Variants in FTCDNL1 observed in about 807,000 individuals in gnomAD.
FTCDNL1 encodes formiminotransferase cyclodeaminase N-terminal like.
In FTCDNL1, 11 loss-of-function variants were observed where a neutral mutation model predicts 5.9. The observed-to-expected ratio is 1.87, with a 90% CI of 1.18 to 3.10. The LOEUF (loss-of-function observed/expected upper bound fraction) is 3.10, where lower values mean the gene tolerates loss of function less well. FTCDNL1 is among the 30% of genes most tolerant of loss of function. The probability of loss-of-function intolerance (pLI) is 0.00; values close to 1 mark genes in which losing one functional copy is unlikely to be tolerated. For synonymous variants in FTCDNL1, 58 were observed against 24.8 expected, an observed-to-expected ratio of 2.34 and a Z score of -3.99; for missense variants, 115 against 65.5, an observed-to-expected ratio of 1.76 and a Z score of -2.61.
chr2:199,711,885 C>T, the FTCDNL1 span, among the ~76,000 whole-genome samples: 1 of 152,090 alleles, frequency 6.6e-6, no homozygotes, highest in Non-Finnish European at 1.5e-5. Flanking sequence ...TTTAGTCAAT[C>T]CTCAGCCAGC....
At chr2:199,837,295 T>C (rs926741896) in intron 3 of FTCDNL1, among the ~76,000 whole-genome samples, 9 of 152,242 alleles carry the variant, frequency 5.9e-5, no homozygotes, top group Non-Finnish European at 1.3e-4. Context: ...GATTTTTCTA[T>C]GGTGGCAGTA....
chr2:199,805,088 A>G (rs1326974690), downstream of FTCDNL1, among the ~76,000 whole-genome samples: 3 of 152,062 alleles, frequency 2.0e-5, no homozygotes, highest in African/African-American at 7.2e-5. Context: ...GGGGGTGGGG[A>G]GAAAGAACAG....
At chr2:199,840,750 A>C (rs750127214) in intron 3 of FTCDNL1, among the ~76,000 whole-genome samples, 6 of 152,120 alleles carry the variant, frequency 3.9e-5, no homozygotes, top group Non-Finnish European at 7.4e-5. Flanking sequence ...AAACCCCCCT[A>C]CAGTATGTGA....
At chr2:199,774,086 C>A (rs972494751) in intron 3 of FTCDNL1, among the ~76,000 whole-genome samples, 2 of 152,208 alleles carry the variant, frequency 1.3e-5, no homozygotes, top group African/African-American at 4.8e-5. Context: ...ATGTACTCAT[C>A]CTTGGGGCCT....
chr2:199,819,244 C>T, intron 4 of FTCDNL1: 1 of 305,406 alleles, frequency 3.3e-6, no homozygotes, highest in Non-Finnish European at 6.2e-6. Flanking sequence ...ACACCCCACA[C>T]CATTCACAGA....
chr2:199,726,919 T>TC, the FTCDNL1 span, among the ~76,000 whole-genome samples: 1 of 152,186 alleles, frequency 6.6e-6, no homozygotes, highest in Non-Finnish European at 1.5e-5. Context: ...AATGAAGCAT[T>TC]CTGGCTGCCC....
chr2:199,725,510 G>A, the FTCDNL1 span, among the ~76,000 whole-genome samples: 1 of 152,164 alleles, frequency 6.6e-6, no homozygotes, highest in Non-Finnish European at 1.5e-5. Context: ...GTGTGTTTTT[G>A]TAGAGGCTGG....
the FTCDNL1 span, among the ~76,000 whole-genome samples, chr2:199,741,759 G>C: frequency 6.6e-6 from 1 of 152,128 alleles, no homozygotes; most frequent in Non-Finnish European, 1.5e-5. Flanking sequence ...TTTTAAGAAA[G>C]CTTCATTTTA....
intron 3 of FTCDNL1, among the ~76,000 whole-genome samples, chr2:199,761,741 G>A (rs185300132): frequency 1.3e-5 from 2 of 152,228 alleles, no homozygotes; most frequent in East Asian, 3.9e-4. Context: ...CTGTCTTCCT[G>A]GGTCCTGTCT....
At chr2:199,825,526 G>C (rs369109919) in intron 3 of FTCDNL1, among the ~76,000 whole-genome samples, 1 of 152,314 alleles carries the variant, frequency 6.6e-6, no homozygotes, top group Admixed American at 6.5e-5. Context: ...AATGGGAGGA[G>C]TTTAAGTCAT....
At chr2:199,687,947 A>T in the FTCDNL1 span, among the ~76,000 whole-genome samples, 1 of 152,232 alleles carries the variant, frequency 6.6e-6, no homozygotes, top group African/African-American at 2.4e-5. Context: ...ACCACGATTT[A>T]AAGTGAGCAT....
At chr2:199,828,044 T>C (rs1287171539) in intron 3 of FTCDNL1, among the ~76,000 whole-genome samples, 1 of 152,116 alleles carries the variant, frequency 6.6e-6, no homozygotes, top group African/African-American at 2.4e-5. Flanking sequence ...GACAGTACAA[T>C]ACCCTCTTCA....
the FTCDNL1 span, among the ~76,000 whole-genome samples, chr2:199,728,140 T>C: frequency 6.6e-6 from 1 of 152,368 alleles, no homozygotes; most frequent in East Asian, 1.9e-4. Flanking sequence ...AAGATTCTAA[T>C]ACTGCCTTCC....
chr2:199,752,762 GTGTGTGTGTGTGTGTGTGTA>G, the FTCDNL1 span, among the ~76,000 whole-genome samples: 25 of 148,542 alleles, frequency 1.7e-4, no homozygotes, highest in East Asian at 6.1e-4. Context: ...GTGTGTGTGT[GTGTGTGTGTGTGTGTGTGTA>G]TGTGTGTGTG....
intron 3 of FTCDNL1, among the ~76,000 whole-genome samples, chr2:199,793,587 A>T (rs773394488): frequency 5.3e-5 from 8 of 152,242 alleles, no homozygotes; most frequent in Non-Finnish European, 8.8e-5. Context: ...TTTGATCAAG[A>T]CAATGAAAAA....
chr2:199,717,407 C>T, the FTCDNL1 span, among the ~76,000 whole-genome samples: 37 of 151,780 alleles, frequency 2.4e-4, no homozygotes, highest in Non-Finnish European at 4.3e-4. Context: ...CAAAACTTCC[C>T]TCCTTATGTT....
At chr2:199,685,838 C>A in the FTCDNL1 span, among the ~76,000 whole-genome samples, 1 of 152,040 alleles carries the variant, frequency 6.6e-6, no homozygotes, top group East Asian at 1.9e-4. Context: ...GAAAGGAGAT[C>A]TACTACATGA....
the FTCDNL1 span, among the ~76,000 whole-genome samples, chr2:199,686,909 T>A: frequency 1.3e-5 from 2 of 152,216 alleles, no homozygotes; most frequent in East Asian, 3.8e-4. Context: ...TGGCAAAAGT[T>A]TGGTAATTAG....
chr2:199,762,718 G>T (rs12619654), intron 3 of FTCDNL1, among the ~76,000 whole-genome samples: 1 of 151,978 alleles, frequency 6.6e-6, no homozygotes, highest in Non-Finnish European at 1.5e-5. Flanking sequence ...TCTGTACAAC[G>T]GCAATAAGAA....
Sources: gnomAD v4.1 joint callset for allele counts (sites outside exome capture counted in the v4.1 genomes callset) on GRCh38, gnomAD v4.1.1 for gene constraint, MANE v1.5 for transcripts, NCBI Gene and HGNC (gene_info 2026-07-23, HGNC 2026-07-21) for gene names.